Variants in CACNB2 observed in about 807,000 individuals in gnomAD.
CACNB2 encodes calcium voltage-gated channel auxiliary subunit beta 2.
CACNB2 carries 42 observed loss-of-function variants against 73.3 expected under a neutral mutation model. The observed-to-expected ratio is 0.57, with a 90% CI of 0.45 to 0.74. The LOEUF is 0.74. Among genes scored for constraint, CACNB2 ranks in the 30% least tolerant of loss-of-function variants. CACNB2 has a pLI of 0.00. For synonymous variants in CACNB2, 348 were observed against 310.3 expected (o/e 1.12, Z -1.28); for missense variants, 940 against 853.0 (o/e 1.10, Z -1.27).
chr10:18,364,753 C>G (rs2042282159), intron 2 of CACNB2, among the ~76,000 whole-genome samples: 1 of 152,182 alleles, frequency 6.6e-6, no homozygotes, highest in South Asian at 2.1e-4. Context: ...ACTTTCCTCT[C>G]CTTGCTTTAG....
At chr10:18,299,723 T>TA (rs1050422870) in intron 2 of CACNB2, among the ~76,000 whole-genome samples, 8 of 151,162 alleles carry the variant, frequency 5.3e-5, no homozygotes, top group African/African-American at 1.9e-4. Context: ...AAAATAAAAA[T>TA]AAAAAAAAAC....
intron 2 of CACNB2, among the ~76,000 whole-genome samples, chr10:18,212,748 TA>T (rs1465500240): frequency 6.6e-6 from 1 of 152,206 alleles, no homozygotes; most frequent in African/African-American, 2.4e-5. Flanking sequence ...ATGGAACAGC[TA>T]TTTGTTAAGT....
At chr10:18,431,663 A>T (rs2045894659) in intron 3 of CACNB2, among the ~76,000 whole-genome samples, 1 of 152,192 alleles carries the variant, frequency 6.6e-6, no homozygotes, top group African/African-American at 2.4e-5. Context: ...GTTAACGGAG[A>T]TGAAATTACA....
At chr10:18,283,590 T>A (rs535110931) in intron 2 of CACNB2, among the ~76,000 whole-genome samples, 10 of 148,696 alleles carry the variant, frequency 6.7e-5, no homozygotes, top group Admixed American at 1.4e-4. Context: ...AAACACCGCA[T>A]GTTCTCACTC....
chr10:18,197,056 A>T (rs2131293907), intron 2 of CACNB2, among the ~76,000 whole-genome samples: 1 of 144,832 alleles, frequency 6.9e-6, no homozygotes, highest in East Asian at 2.0e-4. Context: ...CTCTCTCTTC[A>T]CTCCCCATAG....
intron 3 of CACNB2, among the ~76,000 whole-genome samples, chr10:18,432,734 G>A (rs886904957): frequency 1.3e-5 from 2 of 152,048 alleles, no homozygotes; most frequent in African/African-American, 4.8e-5. Context: ...TACTTGGGAG[G>A]CTAAGGCGGG....
rs527953099 is a variant in CACNB2, at chr10:18,266,335, G to C, written c.213+115360G>C. On this transcript the variant is annotated intron_variant, in intron 2 of 13. Transcript: ENST00000324631. ...GAAATTGACTCTTATTCCATGTATA[G>C]TGCTTTGGTCATCTTGTTTGGAATG... 3.1e-3 allele frequency among the ~76,000 whole-genome samples: 465 copies of C among 152,254 alleles called. 6 individuals carry two copies. Among genetic ancestry groups the C allele is most frequent in the Non-Finnish European group, 2.9e-3 (199 of 68,036 alleles).
At chr10:18,411,506 A>ATT (rs72400253) in intron 3 of CACNB2, among the ~76,000 whole-genome samples, 1,391 of 125,650 alleles carry the variant, frequency 0.011, 40 homozygotes, top group African/African-American at 0.029. Context: ...GTCTTTGAGC[A>ATT]TTTTTTTTTT....
At chr10:18,490,467 C>G (rs566520400) in intron 3 of CACNB2, among the ~76,000 whole-genome samples, 1 of 152,246 alleles carries the variant, frequency 6.6e-6, no homozygotes, top group Non-Finnish European at 1.5e-5. Context: ...GTAGAAAAGT[C>G]TGACATCACC....
At chr10:18,282,890 GA>G (rs1037015632) in intron 2 of CACNB2, among the ~76,000 whole-genome samples, 1 of 152,156 alleles carries the variant, frequency 6.6e-6, no homozygotes, top group African/African-American at 2.4e-5. Context: ...GCAACCTACA[GA>G]ATGGGAGAAA....
At chr10:18,272,053 G>A (rs2038076893) in intron 2 of CACNB2, among the ~76,000 whole-genome samples, 1 of 151,456 alleles carries the variant, frequency 6.6e-6, no homozygotes, top group African/African-American at 2.4e-5. Flanking sequence ...TTTCTGGAGG[G>A]AGTAATATTT....
intron 3 of CACNB2, among the ~76,000 whole-genome samples, chr10:18,452,345 T>A (rs747296): frequency 0.56 from 85,216 of 151,916 alleles, 25,988 homozygotes; most frequent in Non-Finnish European, 0.69. Flanking sequence ...GGAGGATTGC[T>A]TAAGCCCAGG....
chr10:18,155,970 G>T (rs927331535), intron 2 of CACNB2, among the ~76,000 whole-genome samples: 3 of 150,962 alleles, frequency 2.0e-5, no homozygotes, highest in Non-Finnish European at 3.0e-5. Context: ...TACATGAAAG[G>T]TTTTATCAGA....
chr10:18,494,242 A>G (rs1374860383), intron 3 of CACNB2, among the ~76,000 whole-genome samples: 1 of 152,166 alleles, frequency 6.6e-6, no homozygotes, highest in Non-Finnish European at 1.5e-5. Context: ...AAGATTTTCT[A>G]TGGGGTCTTC....
chr10:18,451,497 C>G (rs79658539), intron 3 of CACNB2, among the ~76,000 whole-genome samples: 9 of 152,098 alleles, frequency 5.9e-5, no homozygotes. Flanking sequence ...AACTAGGTTG[C>G]GACAGAATTT....
chr10:18,235,927 G>C (rs888544106), intron 2 of CACNB2, among the ~76,000 whole-genome samples: 4 of 152,102 alleles, frequency 2.6e-5, no homozygotes, highest in Non-Finnish European at 4.4e-5. Context: ...GTGAGTGAGT[G>C]ATTTCTCACA....
chr10:18,179,739 CA>C (rs2033781978), intron 2 of CACNB2, among the ~76,000 whole-genome samples: 1 of 152,018 alleles, frequency 6.6e-6, no homozygotes. Flanking sequence ...TAAACACGTG[CA>C]TGCCAATATT....
intron 2 of CACNB2, among the ~76,000 whole-genome samples, chr10:18,306,950 AT>A (rs1285501624): frequency 6.6e-6 from 1 of 152,188 alleles, no homozygotes; most frequent in Non-Finnish European, 1.5e-5. Flanking sequence ...TTAAAATAAT[AT>A]GGGTTAAAGG....
chr10:18,263,439 T>G (rs2037648541), intron 2 of CACNB2, among the ~76,000 whole-genome samples: 1 of 152,206 alleles, frequency 6.6e-6, no homozygotes, highest in South Asian at 2.1e-4. Context: ...CTGGTAATAC[T>G]GGAACTAAAT....
Sources: gnomAD v4.1 joint callset for allele counts (sites outside exome capture counted in the v4.1 genomes callset) on GRCh38, gnomAD v4.1.1 for gene constraint, MANE v1.5 for transcripts, NCBI Gene and HGNC (gene_info 2026-07-23, HGNC 2026-07-21) for gene names.